UNC5D: variants seen among roughly 807,000 people sequenced by gnomAD.
The protein encoded by UNC5D is unc-5 netrin receptor D, also known as netrin receptor UNC5D.
A neutral mutation model predicts 105.4 loss-of-function variants in UNC5D; 39 were observed. The ratio of observed to expected loss-of-function variants is 0.37; its 90% confidence interval spans 0.29 to 0.48. The LOEUF (loss-of-function observed/expected upper bound fraction) is 0.48, where lower values mean the gene tolerates loss of function less well. Among genes scored for constraint, UNC5D ranks in the 20% least tolerant of loss-of-function variants. The pLI, the probability that UNC5D is intolerant of heterozygous loss-of-function variation, is 0.98. For missense variants in UNC5D, 991 were observed against 1,202.4 expected (o/e 0.82, Z 2.60); for synonymous variants, 452 against 450.4 (o/e 1.00, Z -0.04).
At chr8:35,463,108 C>G (rs1809019147) in intron 1 of UNC5D, among the ~76,000 whole-genome samples, 1 of 152,146 alleles carries the variant, frequency 6.6e-6, no homozygotes, top group African/African-American at 2.4e-5. Context: ...TTATTAGAAG[C>G]ATTTCCAATT....
intron 4 of UNC5D, among the ~76,000 whole-genome samples, chr8:35,596,161 T>G (rs1819480206): frequency 6.6e-6 from 1 of 152,170 alleles, no homozygotes; most frequent in Non-Finnish European, 1.5e-5. Flanking sequence ...ATTAGGGATA[T>G]AAAAAATGAT....
At chr8:35,660,012 A>G (rs1479629992) in intron 4 of UNC5D, among the ~76,000 whole-genome samples, 1 of 152,194 alleles carries the variant, frequency 6.6e-6, no homozygotes, top group African/African-American at 2.4e-5. Context: ...CAAAACTTCC[A>G]TTCATTTCCA....
chr8:35,280,499 G>C (rs1157184990), intron 1 of UNC5D, among the ~76,000 whole-genome samples: 1 of 152,122 alleles, frequency 6.6e-6, no homozygotes, highest in African/African-American at 2.4e-5. Flanking sequence ...GATTCTGTGT[G>C]GGTATTGTTG....
chr8:35,453,340 T>C (rs1295057823), intron 1 of UNC5D, among the ~76,000 whole-genome samples: 1 of 152,122 alleles, frequency 6.6e-6, no homozygotes, highest in African/African-American at 2.4e-5. Context: ...GCAAAGGTGT[T>C]GTACTGTGAG....
intron 1 of UNC5D, among the ~76,000 whole-genome samples, chr8:35,520,604 T>G (rs1813397094): frequency 6.6e-6 from 1 of 152,166 alleles, no homozygotes; most frequent in Non-Finnish European, 1.5e-5. Flanking sequence ...ATCAGAAGAA[T>G]GTATGTATTC....
At chr8:35,394,522 G>T (rs751518333) in intron 1 of UNC5D, among the ~76,000 whole-genome samples, 9 of 151,836 alleles carry the variant, frequency 5.9e-5, no homozygotes, top group Non-Finnish European at 1.0e-4. Flanking sequence ...TATTCTTGGG[G>T]CTTTTGCTTC....
intron 1 of UNC5D, among the ~76,000 whole-genome samples, chr8:35,405,694 T>C (rs980484468): frequency 2.0e-5 from 3 of 152,204 alleles, no homozygotes; most frequent in African/African-American, 7.2e-5. Flanking sequence ...TTCACAACTT[T>C]TTTTTACGGG....
At chr8:35,349,663 G>A (rs1812063104) in intron 1 of UNC5D, among the ~76,000 whole-genome samples, 1 of 151,922 alleles carries the variant, frequency 6.6e-6, no homozygotes, top group Admixed American at 6.6e-5. Flanking sequence ...ATTCTTTCAA[G>A]TAACACATGG....
At position 35,549,385 on chromosome 8, in the gene UNC5D, T is replaced by C; in HGVS notation, c.197T>C (p.Ile66Thr). The C allele has an allele frequency of 6.2e-7, 1 of 1,613,536 alleles. No individual in the cohort carries two copies. Among genetic ancestry groups the C allele is most frequent in the Non-Finnish European group, 8.5e-7 (1 of 1,180,020 alleles). Residue 66 changes from isoleucine (I) to threonine (T), a missense_variant, in exon 2 of 17, where the codon ATC becomes ACC. Ile to Thr is a moderately conservative substitution (Grantham distance 89). Around this residue, in one of 3 missense-constraint regions of UNC5D, gnomAD observed 944 missense variants for 1,131.6 expected, o/e 0.83. Transcript: ENST00000404895. The part of the protein sequence containing the change: ...FIEEPDDAYI[I>T]KSNPIALRCK... ...GAGGAGCCAGATGATGCTTATATTA[T>C]CAAGAGCAACCCTATTGCACTCAGG...
chr8:35,749,997 A>AC (rs1830192816), intron 12 of UNC5D, among the ~76,000 whole-genome samples: 1 of 151,804 alleles, frequency 6.6e-6, no homozygotes, highest in Non-Finnish European at 1.5e-5. Context: ...TGTAAAAAAA[A>AC]AAAAGTTTGC....
intron 1 of UNC5D, among the ~76,000 whole-genome samples, chr8:35,509,111 G>A (rs1049093311): frequency 1.3e-5 from 2 of 152,086 alleles, no homozygotes; most frequent in Non-Finnish European, 2.9e-5. Flanking sequence ...TGCCCGGGGG[G>A]CCAAGTGTTC....
At chr8:35,418,828 A>G (rs1373197708) in intron 1 of UNC5D, among the ~76,000 whole-genome samples, 1 of 152,188 alleles carries the variant, frequency 6.6e-6, no homozygotes, top group Non-Finnish European at 1.5e-5. Context: ...ATTGTTTAGT[A>G]CAAATTCTTA....
intron 1 of UNC5D, among the ~76,000 whole-genome samples, chr8:35,289,539 G>T (rs1486687745): frequency 6.6e-6 from 1 of 152,044 alleles, no homozygotes; most frequent in East Asian, 1.9e-4. Context: ...TCCAACAATG[G>T]TAAAATACAC....
At chr8:35,716,171 A>G (rs939630894) in intron 8 of UNC5D, among the ~76,000 whole-genome samples, 9 of 152,152 alleles carry the variant, frequency 5.9e-5, no homozygotes, top group Non-Finnish European at 1.5e-5. Context: ...GGGAGTGAAG[A>G]CAGACATGTG....
intron 13 of UNC5D, among the ~76,000 whole-genome samples, chr8:35,754,234 A>ACTT (rs1219682946): frequency 6.6e-6 from 1 of 152,180 alleles, no homozygotes; most frequent in African/African-American, 2.4e-5. Flanking sequence ...AAGAACCCTG[A>ACTT]CTTCTTAATC....
At chr8:35,640,343 T>C (rs1237106134) in intron 4 of UNC5D, among the ~76,000 whole-genome samples, 1 of 152,176 alleles carries the variant, frequency 6.6e-6, no homozygotes, top group Non-Finnish European at 1.5e-5. Flanking sequence ...CCACTCAGGA[T>C]TGTGGCATGA....
intron 4 of UNC5D, among the ~76,000 whole-genome samples, chr8:35,596,523 A>T (rs778999100): frequency 2.0e-5 from 3 of 152,178 alleles, no homozygotes; most frequent in Non-Finnish European, 2.9e-5. Flanking sequence ...AAGGTTGAGG[A>T]TGCGTGCCCA....
At chr8:35,282,248 A>G (rs1050869318) in intron 1 of UNC5D, among the ~76,000 whole-genome samples, 1 of 152,162 alleles carries the variant, frequency 6.6e-6, no homozygotes, top group African/African-American at 2.4e-5. Context: ...TGTCAGCTTG[A>G]TGGCTGCCAG....
At chr8:35,375,839 G>T (rs527622313) in intron 1 of UNC5D, among the ~76,000 whole-genome samples, 1 of 152,260 alleles carries the variant, frequency 6.6e-6, no homozygotes, top group African/African-American at 2.4e-5. Context: ...TTGTGTTAGA[G>T]CCCAGGGCAG....
Sources: gnomAD v4.1 joint callset for allele counts (sites outside exome capture counted in the v4.1 genomes callset) on GRCh38, gnomAD v4.1.1 for gene constraint, gnomAD v4.1.1 regional missense constraint, MANE v1.5 for transcripts, NCBI Gene and HGNC (gene_info 2026-07-23, HGNC 2026-07-21) for gene names.